Variants in PLA2R1 observed in about 807,000 individuals in gnomAD.
PLA2R1 encodes phospholipase A2 receptor 1.
A neutral mutation model predicts 195.9 loss-of-function variants in PLA2R1; 158 were observed. The ratio of observed to expected loss-of-function variants is 0.81; its 90% CI spans 0.71 to 0.92. The LOEUF is 0.92. Ranked by LOEUF, PLA2R1 falls within the 40% of genes least tolerant of loss-of-function variation. The pLI is 0.00. For missense variants in PLA2R1, 1,626 were observed against 1,764.6 expected (o/e 0.92, Z 1.41); for synonymous variants, 586 against 598.2 (o/e 0.98, Z 0.30).
chr2:160,036,249 A>G (rs540935246), intron 3 of PLA2R1, among the ~76,000 whole-genome samples: 223 of 152,320 alleles, frequency 1.5e-3, no homozygotes, highest in African/African-American at 5.2e-3. Flanking sequence ...TGCAAACCTG[A>G]ATAGTATTTA....
At chr2:160,006,722 G>C (rs1264948236) in intron 10 of PLA2R1, among the ~76,000 whole-genome samples, 1 of 152,202 alleles carries the variant, frequency 6.6e-6, no homozygotes, top group African/African-American at 2.4e-5. Context: ...CGACTTCTGG[G>C]CAGACCTGCT....
At chr2:159,956,864 C>T (rs768583041) in intron 20 of PLA2R1, among the ~76,000 whole-genome samples, 3 of 151,864 alleles carry the variant, frequency 2.0e-5, no homozygotes, top group African/African-American at 4.8e-5. Flanking sequence ...AGCAGGGATG[C>T]GTTTTGTCTT....
chr2:159,962,965 T>C (rs1688553465), intron 20 of PLA2R1, among the ~76,000 whole-genome samples: 1 of 152,112 alleles, frequency 6.6e-6, no homozygotes, highest in African/African-American at 2.4e-5. Flanking sequence ...CAAACCACCA[T>C]GGCACGTGTA....
intron 4 of PLA2R1, among the ~76,000 whole-genome samples, chr2:160,031,169 T>G (rs1392726521): frequency 6.6e-6 from 1 of 152,220 alleles, no homozygotes; most frequent in Non-Finnish European, 1.5e-5. Context: ...TACAAAAGCT[T>G]TTAAGTGTGC....
intron 3 of PLA2R1, among the ~76,000 whole-genome samples, chr2:160,034,758 C>T (rs1694069486): frequency 6.6e-6 from 1 of 152,166 alleles, no homozygotes; most frequent in Admixed American, 6.5e-5. Flanking sequence ...CAAAGCAAGA[C>T]CCTATCACTA....
At chr2:160,047,940 C>T (rs1211022469) in intron 1 of PLA2R1, among the ~76,000 whole-genome samples, 3 of 152,214 alleles carry the variant, frequency 2.0e-5, no homozygotes, top group Non-Finnish European at 4.4e-5. Context: ...ATCCTCCCAT[C>T]TCAGCCTCCT....
intron 23 of PLA2R1, among the ~76,000 whole-genome samples, chr2:159,953,995 G>A (rs1249724405): frequency 5.9e-5 from 9 of 152,050 alleles, no homozygotes; most frequent in East Asian, 1.9e-4. Flanking sequence ...CACCACGCCC[G>A]GCTAATTTTT....
At chr2:159,943,178 C>T (rs1687185183) in intron 28 of PLA2R1, among the ~76,000 whole-genome samples, 1 of 152,056 alleles carries the variant, frequency 6.6e-6, no homozygotes, top group African/African-American at 2.4e-5. Context: ...CCATGTTGGC[C>T]AGGCTGGTCT....
At chr2:159,948,642 C>CAAA (rs56329076) in intron 25 of PLA2R1, among the ~76,000 whole-genome samples, 10 of 95,838 alleles carry the variant, frequency 1.0e-4, no homozygotes, top group African/African-American at 1.7e-4. Flanking sequence ...CAAGTGCTAA[C>CAAA]AAAAAAAAAA....
chr2:160,060,180 G>A (rs1279711363), intron 1 of PLA2R1, among the ~76,000 whole-genome samples: 2 of 152,198 alleles, frequency 1.3e-5, no homozygotes, highest in Non-Finnish European at 2.9e-5. Flanking sequence ...GATTGGAAAT[G>A]AAAATGAGTG....
intron 17 of PLA2R1, among the ~76,000 whole-genome samples, chr2:159,971,487 CAT>C (rs55772812): frequency 0.33 from 49,948 of 151,310 alleles, 10,250 homozygotes; most frequent in Non-Finnish European, 0.46. Flanking sequence ...CACACACACA[CAT>C]ACACACACAC....
downstream of PLA2R1, among the ~76,000 whole-genome samples, chr2:159,931,294 G>A (rs1206254651): frequency 6.6e-6 from 1 of 152,188 alleles, no homozygotes; most frequent in Admixed American, 6.5e-5. Context: ...CTTTGACAGG[G>A]TGAGGAGGGA....
At chr2:160,053,870 G>A (rs190282294) in intron 1 of PLA2R1, among the ~76,000 whole-genome samples, 17 of 152,308 alleles carry the variant, frequency 1.1e-4, no homozygotes. Flanking sequence ...ATCATGCGCA[G>A]CACACAAATT....
intron 6 of PLA2R1, among the ~76,000 whole-genome samples, chr2:160,025,766 G>T (rs955132578): frequency 1.3e-5 from 2 of 152,094 alleles, no homozygotes; most frequent in Non-Finnish European, 2.9e-5. Flanking sequence ...AATGGCAGTA[G>T]TAAGTCTTTA....
At chr2:159,955,649 T>G (rs756567670) in intron 22 of PLA2R1, 49 bp downstream of exon 22, 2 of 1,068,288 alleles carry the variant, frequency 1.9e-6, no homozygotes, top group Non-Finnish European at 2.6e-6. Context: ...AAATCTTGAA[T>G]AAAATATCTT....
At position 160,005,686 on chromosome 2, in the gene PLA2R1, C is replaced by A; in HGVS notation, c.1800G>T (p.Pro600=). ...GTGTGTTCCAGTGTGTGTACTGCAC[C>A]GGCTCGGGTTTCTGCCCTACTGGCT... ...TWKPVGQKPE[P]VQYTHWNTHQ... The change falls in exon 11 of 30, where the codon CCG becomes CCT. Residue 600 remains proline (P), a synonymous_variant. Coordinates refer to ENST00000283243, the MANE Select transcript of PLA2R1 (RefSeq NM_007366.5). The A allele has an allele frequency of 6.2e-7, 1 of 1,613,980 alleles. No individual in the cohort carries two copies.
the PLA2R1 span, among the ~76,000 whole-genome samples, chr2:159,924,750 A>C: frequency 2.6e-5 from 4 of 151,940 alleles, no homozygotes; most frequent in Non-Finnish European, 5.9e-5. Context: ...CGGTGCGAAC[A>C]AAAATAAAAA....
chr2:159,995,745 T>C (rs1315848077), intron 11 of PLA2R1, among the ~76,000 whole-genome samples: 5 of 152,088 alleles, frequency 3.3e-5, no homozygotes, highest in Non-Finnish European at 7.4e-5. Context: ...CTTTCAAAAG[T>C]ATAATTTTAA....
In PLA2R1 at chr2:159,934,820, T is replaced by G. The variant is rs1686747505; in HGVS notation, c.*6958A>C. 6.6e-6 allele frequency: 1 copy of G among 152,184 alleles called. No individual in the cohort carries two copies. The allele number at this position is 152,184 out of a possible 1,614,324, so 9.4% of individuals were successfully genotyped here. A position where few individuals can be genotyped will look rare whatever the true frequency, so the allele number is the denominator to read the frequency against. ...GGTATAATCATCAAAACAAAGAAAC[T>G]AATACTGGTACAATACTATTAATTA... is the stretch of plus-strand genomic sequence containing the variant. On this transcript the variant is annotated 3_prime_UTR_variant, in exon 30 of 30. Transcript: ENST00000283243.
Sources: allele counts gnomAD v4.1 joint callset (sites outside exome capture counted in the v4.1 genomes callset), GRCh38; gene constraint gnomAD v4.1.1; transcripts MANE v1.5; gene names NCBI Gene and HGNC (gene_info 2026-07-23, HGNC 2026-07-21).